RFX3: variants seen among roughly 807,000 people sequenced by gnomAD.
RFX3 encodes the protein transcription factor RFX3.
RFX3 carries 14 observed loss-of-function variants against 98.6 expected under a neutral mutation model. The ratio of observed to expected loss-of-function variants is 0.14; its 90% CI spans 0.09 to 0.22. The LOEUF is 0.22. Among genes scored for constraint, RFX3 ranks in the 10% least tolerant of loss-of-function variants. The pLI is 1.00. For missense variants in RFX3, 639 were observed against 926.9 expected, an observed-to-expected ratio of 0.69 and a Z score of 4.03; for synonymous variants, 383 against 328.4, an observed-to-expected ratio of 1.17 and a Z score of -1.80.
Position 3,422,157 on chromosome 9 carries a change from C to A in RFX3, c.-8-26561G>T, listed in dbSNP as rs117807881. ...AACTGAACCCATGGGATTTACCTCACGTGAAAACTCTTCAGCTAAATCTTC... is the reference window on the plus strand; with the variant it reads ...AACTGAACCCATGGGATTTACCTCAAGTGAAAACTCTTCAGCTAAATCTTC... On this transcript the variant is annotated intron_variant, in intron 1 of 16. Coordinates refer to ENST00000617270, the MANE Select transcript of RFX3 (RefSeq NM_001282116.2). Among the ~76,000 whole-genome samples, 953 of 152,304 alleles carry A rather than the reference C, an allele frequency of 6.3e-3. 4 individuals carry two copies. Among genetic ancestry groups the A allele is most frequent in the Non-Finnish European group, 0.01 (708 of 68,026 alleles).
At chr9:3,338,695 T>C (rs1289821752) in intron 3 of RFX3, among the ~76,000 whole-genome samples, 2 of 152,198 alleles carry the variant, frequency 1.3e-5, no homozygotes, top group Non-Finnish European at 2.9e-5. Context: ...TTGATGTGAA[T>C]GCTGCTAGCC....
intron 2 of RFX3, among the ~76,000 whole-genome samples, chr9:3,353,184 C>CT (rs1414764409): frequency 9.0e-6 from 1 of 111,412 alleles, no homozygotes; most frequent in Non-Finnish European, 1.7e-5. Context: ...ACATCACACT[C>CT]TGGGGACTGT....
At chr9:3,472,658 A>G (rs955376715) in intron 1 of RFX3, among the ~76,000 whole-genome samples, 3 of 152,218 alleles carry the variant, frequency 2.0e-5, no homozygotes, top group African/African-American at 7.2e-5. Context: ...TAAGGATTTA[A>G]GCAACATTCA....
chr9:3,248,313 T>A lies in RFX3; in HGVS notation c.1815-128A>T. 4 of 1,178,678 alleles carry A rather than the reference T, an allele frequency of 3.4e-6. No individual in the cohort carries two copies. The South Asian group carries it at 7.2e-5, about 21-fold the overall frequency. 73.0% of individuals were successfully genotyped at this position (1,178,678 alleles called of 1,614,324 possible). ...GGTTGGTATAGTATAAAACCTGCCA[T>A]GAAAGCATTTCATTATTGAACGCAG... On this transcript the variant is annotated intron_variant, in intron 14 of 16. Coordinates refer to ENST00000617270, the MANE Select transcript of RFX3 (RefSeq NM_001282116.2).
intron 1 of RFX3, among the ~76,000 whole-genome samples, chr9:3,431,038 A>G (rs1844611406): frequency 6.6e-6 from 1 of 152,226 alleles, no homozygotes; most frequent in Admixed American, 6.5e-5. Flanking sequence ...GTATTAAATA[A>G]TAACTGCATA....
chr9:3,454,633 T>A (rs1326638728), intron 1 of RFX3, among the ~76,000 whole-genome samples: 1 of 152,088 alleles, frequency 6.6e-6, no homozygotes, highest in Non-Finnish European at 1.5e-5. Context: ...ATGATAAAAA[T>A]CTTAAAGAAT....
chr9:3,387,841 A>G (rs955821604), intron 2 of RFX3, among the ~76,000 whole-genome samples: 4 of 152,110 alleles, frequency 2.6e-5, no homozygotes, highest in African/African-American at 4.8e-5. Flanking sequence ...AAAGAATTCT[A>G]TTCATGTCCA....
chr9:3,504,851 A>G (rs1451084404), intron 1 of RFX3, among the ~76,000 whole-genome samples: 1 of 29,670 alleles, frequency 3.4e-5, no homozygotes, highest in East Asian at 6.0e-4. Context: ...TATATATATT[A>G]TATATGATAT....
intron 1 of RFX3, among the ~76,000 whole-genome samples, chr9:3,404,580 T>C (rs1426392973): frequency 6.6e-6 from 1 of 152,168 alleles, no homozygotes; most frequent in Non-Finnish European, 1.5e-5. Flanking sequence ...ACTATATAGC[T>C]ATATTATCTA....
chr9:3,227,712 C>G (rs542711959), intron 16 of RFX3, among the ~76,000 whole-genome samples: 2 of 152,292 alleles, frequency 1.3e-5, no homozygotes, highest in Admixed American at 1.3e-4. Context: ...ACACGGATAT[C>G]AATTACCACC....
intron 1 of RFX3, among the ~76,000 whole-genome samples, chr9:3,466,003 A>G (rs969135095): frequency 8.5e-5 from 13 of 152,204 alleles, no homozygotes; most frequent in African/African-American, 3.1e-4. Context: ...GAGTTGGAAA[A>G]TAAGAGAGAA....
At chr9:3,505,835 T>G (rs1273148892) in intron 1 of RFX3, among the ~76,000 whole-genome samples, 1 of 151,220 alleles carries the variant, frequency 6.6e-6, no homozygotes, top group East Asian at 2.0e-4. Flanking sequence ...AACCATCTAT[T>G]ATAATACATA....
chr9:3,516,089 C>G (rs1818133407), intron 1 of RFX3, among the ~76,000 whole-genome samples: 2 of 151,898 alleles, frequency 1.3e-5, no homozygotes, highest in Non-Finnish European at 2.9e-5. Context: ...TGCTCTGTTG[C>G]CCAGACTGGA....
rs867171831 is a variant in RFX3, at chr9:3,505,374, A to G, written c.-9+20373T>C. 3.6e-4 allele frequency among the ~76,000 whole-genome samples: 44 copies of G among 121,190 alleles called. 1 individual carries two copies. Among genetic ancestry groups the G allele is most frequent in the African/African-American group, 1.4e-3 (40 of 28,920 alleles). 79.5% of individuals were successfully genotyped at this position (121,190 alleles called of 152,430 possible). A position where few individuals can be genotyped will look rare whatever the true frequency, so the allele number is the denominator to read the frequency against. The stretch of plus-strand genomic sequence containing the variant: ...TTTTATATTTATATAAATATAAAAT[A>G]TTTTATATTTATATAATATAAAATA... On this transcript the variant is annotated intron_variant, in intron 1 of 16. Coordinates refer to ENST00000617270, the MANE Select transcript of RFX3 (RefSeq NM_001282116.2).
chr9:3,401,632 T>C (rs887959630), intron 1 of RFX3, among the ~76,000 whole-genome samples: 5 of 152,162 alleles, frequency 3.3e-5, no homozygotes, highest in Admixed American at 6.5e-5. Flanking sequence ...TGTAAATGAG[T>C]TGTATATTCT....
At chr9:3,285,177 T>C (rs535227668) in intron 7 of RFX3, among the ~76,000 whole-genome samples, 65 of 151,908 alleles carry the variant, frequency 4.3e-4, no homozygotes, top group African/African-American at 1.5e-3. Context: ...CAAATTTACA[T>C]TATGAAAGAT....
chr9:3,302,055 T>C (rs1433112437), intron 4 of RFX3, among the ~76,000 whole-genome samples: 1 of 151,892 alleles, frequency 6.6e-6, no homozygotes, highest in Non-Finnish European at 1.5e-5. Flanking sequence ...GAGTTTAATA[T>C]GCATTAATAT....
Position 3,218,355 on chromosome 9 carries a change from GA to G in RFX3, c.*6686del, listed in dbSNP as rs988041743. On this transcript the variant is annotated 3_prime_UTR_variant, in exon 17 of 17. Coordinates refer to ENST00000617270, the MANE Select transcript of RFX3 (RefSeq NM_001282116.2). ...AAAAGACAAGACACCATTTTGTTTT[GA>G]AAAACACAAGAAAGCTAGCCTGAGT... The G allele has an allele frequency of 1.3e-5, 2 of 152,012 alleles. No homozygotes were observed. Among genetic ancestry groups the G allele is most frequent in the African/African-American group, 4.8e-5 (2 of 41,382 alleles). 9.4% of individuals were successfully genotyped at this position (152,012 alleles called of 1,614,324 possible).
intron 3 of RFX3, among the ~76,000 whole-genome samples, chr9:3,337,388 T>C (rs1241853400): frequency 6.6e-6 from 1 of 152,210 alleles, no homozygotes; most frequent in African/African-American, 2.4e-5. Flanking sequence ...AAGAGGTGCA[T>C]TTGGAAACCA....
Sources: gnomAD v4.1 joint callset for allele counts (sites outside exome capture counted in the v4.1 genomes callset) on GRCh38, gnomAD v4.1.1 for gene constraint, MANE v1.5 for transcripts, NCBI Gene and HGNC (gene_info 2026-07-23, HGNC 2026-07-21) for gene names.